GLIS1: variants seen among roughly 807,000 people sequenced by gnomAD.
The protein encoded by GLIS1 is GLIS family zinc finger 1.
A neutral mutation model predicts 63.8 loss-of-function variants in GLIS1; 24 were observed. That is an observed-to-expected ratio of 0.38 (90% CI 0.27 to 0.53). GLIS1 has a LOEUF of 0.53. GLIS1 is among the 20% of genes least tolerant of loss of function. The pLI, the probability that GLIS1 is intolerant of heterozygous loss-of-function variation, is 0.85. For synonymous variants in GLIS1, 450 were observed against 482.5 expected (o/e 0.93, Z 0.88); for missense variants, 1,036 against 1,074.1 (o/e 0.96, Z 0.50).
intron 4 of GLIS1, among the ~76,000 whole-genome samples, chr1:53,530,804 G>A (rs138941985): frequency 2.2e-3 from 328 of 152,242 alleles, no homozygotes; most frequent in African/African-American, 7.0e-3. Flanking sequence ...GCTGCCTAGC[G>A]GAAGCAGCAG....
chr1:53,519,154 C>T (rs749294886), intron 7 of GLIS1, among the ~76,000 whole-genome samples: 59 of 152,244 alleles, frequency 3.9e-4, no homozygotes, highest in Non-Finnish European at 7.9e-4. Context: ...GTTGGATGAG[C>T]CCCCCGGTCC....
chr1:53,732,639 T>C (rs913822877), intron 2 of GLIS1, among the ~76,000 whole-genome samples: 2 of 152,172 alleles, frequency 1.3e-5, no homozygotes, highest in Non-Finnish European at 2.9e-5. Context: ...GCTTTTTGCA[T>C]AATGCAGTCC....
chr1:53,632,843 G>A (rs185844620), intron 2 of GLIS1, among the ~76,000 whole-genome samples: 97 of 149,474 alleles, frequency 6.5e-4, no homozygotes, highest in Middle Eastern at 3.6e-3. Context: ...ACTAAGGGGC[G>A]TGTATGTATG....
rs562772841 is a variant in GLIS1 at position 53,629,219 on chromosome 1, G to A, written c.260-28941C>T. ...TGTGCTTTATGATGTTCTCCCTCCT[G>A]AGATGCCTTTCTACCCACTTTAACC... On this transcript the variant is annotated intron_variant, in intron 2 of 10. Coordinates refer to ENST00000628545, the MANE Select transcript of GLIS1 (RefSeq NM_001367484.1). 4.3e-4 allele frequency among the ~76,000 whole-genome samples: 65 copies of A among 152,074 alleles called. 2 individuals are homozygous for A. The highest frequency in any genetic ancestry group is 6.8e-3 in the Middle Eastern group (2 of 292).
chr1:53,706,699 T>C (rs938884547), intron 2 of GLIS1, among the ~76,000 whole-genome samples: 1 of 152,244 alleles, frequency 6.6e-6, no homozygotes, highest in Non-Finnish European at 1.5e-5. Flanking sequence ...TCATGTTCCA[T>C]TAGGTTCACA....
At chr1:53,616,413 T>C (rs1305797592) in intron 2 of GLIS1, among the ~76,000 whole-genome samples, 1 of 152,250 alleles carries the variant, frequency 6.6e-6, no homozygotes, top group Non-Finnish European at 1.5e-5. Flanking sequence ...ATTTATTACT[T>C]CATGCTTGGC....
chr1:53,738,104 C>T lies in GLIS1; in HGVS notation c.-40G>A, dbSNP rs1050109082. The T allele has an allele frequency of 7.3e-6, 9 of 1,226,850 alleles. No individual in the cohort carries two copies. The East Asian group carries it at 2.5e-4, about 35-fold the overall frequency. 76.0% of individuals were successfully genotyped at this position (1,226,850 alleles called of 1,614,324 possible). On this transcript the variant is annotated splice_region_variant and 5_prime_UTR_variant, in exon 2 of 11. Coordinates refer to ENST00000628545, the MANE Select transcript of GLIS1 (RefSeq NM_001367484.1). ...GCGCACGGCTGGGGGTCGCGCCGGG[C>T]TCCTGGGGAGGGGAGACAGCACAGC...
At chr1:53,700,315 G>A (rs192726024) in intron 2 of GLIS1, among the ~76,000 whole-genome samples, 2 of 152,102 alleles carry the variant, frequency 1.3e-5, no homozygotes, top group African/African-American at 2.4e-5. Context: ...TTTTCTCCCT[G>A]TTTTCAGGTA....
chr1:53,597,195 A>AC (rs1645265555), intron 3 of GLIS1, among the ~76,000 whole-genome samples: 2 of 140,650 alleles, frequency 1.4e-5, no homozygotes, highest in African/African-American at 2.9e-5. Context: ...AAAAAAAAAA[A>AC]AAAAAAAAAA....
At chr1:53,669,822 G>A (rs1191565382) in intron 2 of GLIS1, among the ~76,000 whole-genome samples, 1 of 152,220 alleles carries the variant, frequency 6.6e-6, no homozygotes, top group Non-Finnish European at 1.5e-5. Context: ...GCCTGGCCCT[G>A]AATGGCCCAT....
At chr1:53,587,794 C>T (rs148895506) in intron 4 of GLIS1, among the ~76,000 whole-genome samples, 1 of 152,194 alleles carries the variant, frequency 6.6e-6, no homozygotes, top group African/African-American at 2.4e-5. Flanking sequence ...CAGGACCCAG[C>T]CAGGGGGCAC....
chr1:53,516,534 G>A (rs934907266), intron 7 of GLIS1, among the ~76,000 whole-genome samples: 1 of 151,344 alleles, frequency 6.6e-6, no homozygotes, highest in Non-Finnish European at 1.5e-5. Flanking sequence ...CATGGAAACC[G>A]TTAAAAAAAA....
intron 6 of GLIS1, among the ~76,000 whole-genome samples, chr1:53,523,465 C>G (rs1034515930): frequency 1.3e-5 from 2 of 152,208 alleles, no homozygotes; most frequent in African/African-American, 4.8e-5. Flanking sequence ...GCAGTGTCCA[C>G]AGTTCACAGA....
chr1:53,660,941 G>A (rs538969357), intron 2 of GLIS1, among the ~76,000 whole-genome samples: 1 of 152,304 alleles, frequency 6.6e-6, no homozygotes, highest in African/African-American at 2.4e-5. Context: ...CACAGGGGGA[G>A]GTGGCCATGC....
At chr1:53,694,293 A>G (rs1307638721) in intron 2 of GLIS1, among the ~76,000 whole-genome samples, 3 of 152,198 alleles carry the variant, frequency 2.0e-5, no homozygotes, top group Non-Finnish European at 4.4e-5. Context: ...ACATCAGCAA[A>G]GCACACAGCA....
At chr1:53,725,210 G>A (rs185778410) in intron 2 of GLIS1, among the ~76,000 whole-genome samples, 8 of 152,258 alleles carry the variant, frequency 5.3e-5, no homozygotes, top group South Asian at 2.1e-4. Context: ...CACCAGAATC[G>A]GCAACAGGTA....
At chr1:53,549,978 G>A (rs1376573501) in intron 4 of GLIS1, among the ~76,000 whole-genome samples, 1 of 152,192 alleles carries the variant, frequency 6.6e-6, no homozygotes, top group African/African-American at 2.4e-5. Flanking sequence ...CTCCAACTGG[G>A]AAGTGGTGCC....
intron 2 of GLIS1, among the ~76,000 whole-genome samples, chr1:53,647,582 C>T (rs1239364917): frequency 6.6e-6 from 1 of 151,378 alleles, no homozygotes; most frequent in African/African-American, 2.5e-5. Context: ...ATGGACTATA[C>T]ATCTAAATAC....
rs1469277628 is a variant in GLIS1 at position 53,524,828 on chromosome 1, G to A, written c.1542C>T (p.Leu514=). 2.5e-6 allele frequency: 4 copies of A among 1,613,528 alleles called. No homozygotes were observed. The Admixed American group carries it at 5.0e-5, about 20-fold the overall frequency. Residue 514 remains leucine, a synonymous_variant, in exon 6 of 11, where the codon CTC becomes CTT. Transcript: ENST00000628545. ...CTGAATGGGCCTTGACGTGCTTGCG[G>A]AGGGAGCTGGGGTCTGTGTAGCGCT... is the stretch of plus-strand genomic sequence containing the variant. ...CSKRYTDPSS[L]RKHVKAHSAK... is the part of the protein sequence containing the mutation.
Sources: gnomAD v4.1 joint callset for allele counts (sites outside exome capture counted in the v4.1 genomes callset) on GRCh38, gnomAD v4.1.1 for gene constraint, MANE v1.5 for transcripts, NCBI Gene and HGNC (gene_info 2026-07-23, HGNC 2026-07-21) for gene names.